YIPF7: variants seen among roughly 807,000 people sequenced by gnomAD.
The protein encoded by YIPF7 is Yip1 domain family member 7.
YIPF7 carries 35 observed loss-of-function variants against 27.2 expected under a neutral mutation model. The observed-to-expected ratio is 1.29, with a 90% CI of 0.98 to 1.70. The LOEUF is 1.70. Among genes scored for constraint, YIPF7 ranks in the 40% most tolerant of loss-of-function variants. The pLI is 0.00. For missense variants in YIPF7, 358 were observed against 303.7 expected (o/e 1.18, Z -1.33); for synonymous variants, 137 against 110.4 (o/e 1.24, Z -1.51).
At chr4:44,636,879 A>C (rs1713143383) in intron 2 of YIPF7, among the ~76,000 whole-genome samples, 1 of 152,138 alleles carries the variant, frequency 6.6e-6, no homozygotes, top group South Asian at 2.1e-4. Flanking sequence ...TATATGCATT[A>C]ACTAATTTAT....
chr4:44,643,082 G>A (rs1713392277), intron 2 of YIPF7, among the ~76,000 whole-genome samples: 1 of 152,088 alleles, frequency 6.6e-6, no homozygotes, highest in African/African-American at 2.4e-5. Context: ...AGGAAGATGA[G>A]GAAAAATTTG....
intron 3 of YIPF7, among the ~76,000 whole-genome samples, chr4:44,633,761 T>C (rs562323187): frequency 2.6e-5 from 4 of 151,926 alleles, no homozygotes; most frequent in Non-Finnish European, 5.9e-5. Context: ...CAATAATTAA[T>C]ATGGTTACTA....
At chr4:44,651,888 A>C (rs1176306193), upstream of YIPF7, among the ~76,000 whole-genome samples, 1 of 152,224 alleles carries the variant, frequency 6.6e-6, no homozygotes, top group African/African-American at 2.4e-5. Context: ...TGAGGCAAGC[A>C]GTTAAAAAGT....
At chr4:44,632,160 G>T (rs140145366) in intron 3 of YIPF7, among the ~76,000 whole-genome samples, 1 of 151,944 alleles carries the variant, frequency 6.6e-6, no homozygotes, top group Non-Finnish European at 1.5e-5. Flanking sequence ...TAATATTGTG[G>T]TTTTTATTTA....
intron 2 of YIPF7, among the ~76,000 whole-genome samples, chr4:44,641,627 G>A (rs774322437): frequency 3.9e-5 from 6 of 152,068 alleles, no homozygotes; most frequent in East Asian, 3.9e-4. Flanking sequence ...ACTTTCCTTC[G>A]AATGTTAATC....
At chr4:44,634,478 G>A (rs1713035616) in intron 3 of YIPF7, among the ~76,000 whole-genome samples, 1 of 152,070 alleles carries the variant, frequency 6.6e-6, no homozygotes, top group Admixed American at 6.6e-5. Flanking sequence ...GTTGCAGAGA[G>A]CTGAGATTGG....
intron 2 of YIPF7, among the ~76,000 whole-genome samples, chr4:44,641,937 C>A (rs1491310): frequency 0.99 from 150,095 of 152,304 alleles, 73,996 homozygotes; most frequent in East Asian, 1. Flanking sequence ...AACAAATTAG[C>A]AATAGGAATC....
In YIPF7 at chr4:44,650,121, T is replaced by C. The variant is rs1196063444; in HGVS notation, c.-1-20A>G. The C allele has an allele frequency of 1.5e-5, 21 of 1,377,402 alleles. No homozygotes were observed. The highest frequency in any genetic ancestry group is 2.1e-5 in the Non-Finnish European group (21 of 988,168). The allele number at this position is 1,377,402 out of a possible 1,614,324, so 85.3% of individuals were successfully genotyped here. The stretch of plus-strand genomic sequence containing the variant: ...GACATCCTGAAAAATAAGAGTATGT[T>C]TTTAATAAGTTCATGAGTCAATAAA... On this transcript the variant is annotated intron_variant, in intron 1 of 5. Transcript: ENST00000415895.
intron 1 of YIPF7, among the ~76,000 whole-genome samples, chr4:44,650,308 C>T (rs1713684221): frequency 6.6e-6 from 1 of 152,166 alleles, no homozygotes. Context: ...TCTTCAACTA[C>T]TTTTTCTGAA....
upstream of YIPF7, among the ~76,000 whole-genome samples, chr4:44,653,315 G>A (rs1476448289): frequency 1.3e-5 from 2 of 152,060 alleles, no homozygotes; most frequent in African/African-American, 4.8e-5. Context: ...TCATTCTAGG[G>A]TAGTATAAAA....
chr4:44,653,863 G>A (rs142205203), upstream of YIPF7, among the ~76,000 whole-genome samples: 69 of 151,730 alleles, frequency 4.5e-4, no homozygotes, highest in Middle Eastern at 3.4e-3. Flanking sequence ...TTTTTTTGAC[G>A]TATAAATTCC....
intron 3 of YIPF7, among the ~76,000 whole-genome samples, chr4:44,630,807 T>G (rs950741975): frequency 1.3e-5 from 2 of 152,178 alleles, no homozygotes; most frequent in Non-Finnish European, 2.9e-5. Flanking sequence ...CGATACCAGA[T>G]CAGTTTCTTT....
chr4:44,652,712 T>G (rs1713772534), upstream of YIPF7, among the ~76,000 whole-genome samples: 1 of 152,160 alleles, frequency 6.6e-6, no homozygotes, highest in Non-Finnish European at 1.5e-5. Flanking sequence ...AAACTAAACA[T>G]TTAAAGAGTT....
At chr4:44,641,358 A>G (rs887824408) in intron 2 of YIPF7, among the ~76,000 whole-genome samples, 6 of 152,220 alleles carry the variant, frequency 3.9e-5, no homozygotes, top group Admixed American at 1.3e-4. Flanking sequence ...AATAAAAAAA[A>G]GAGTCCCTTT....
Position 44,650,044 on chromosome 4 carries a change from A to G in YIPF7, c.57T>C (p.Asp19=), listed in dbSNP as rs1349134191. 7 of 1,589,802 alleles carry G rather than the reference A, an allele frequency of 4.4e-6. No individual in the cohort carries two copies. The highest frequency in any genetic ancestry group is 6.0e-6 in the Non-Finnish European group (7 of 1,166,610). ...SDFYQSNFTI[D]NQEQSGNDSN... ...AGTCATTACCACTCTGCTCCTGGTTATCAATAGTAAAATTAGATTGGTAAA... is the reference window on the plus strand; with the variant it reads ...AGTCATTACCACTCTGCTCCTGGTTGTCAATAGTAAAATTAGATTGGTAAA... Residue 19 remains aspartate, a synonymous_variant, in exon 2 of 6, where the codon GAT becomes GAC. Transcript: ENST00000415895.
chr4:44,629,700 A>G, intron 3 of YIPF7, 152 bp from the exon 4 acceptor site: 1 of 491,862 alleles, frequency 2.0e-6, no homozygotes, highest in Non-Finnish European at 3.2e-6. Flanking sequence ...TATGTTCTGT[A>G]TTACACAGAA....
rs768910817 is a variant in YIPF7 at position 44,629,469 on chromosome 4, A to T, written c.360T>A (p.Ile120=). The T allele has an allele frequency of 3.8e-6, 6 of 1,598,020 alleles. No individual in the cohort carries two copies. In the Admixed American group the frequency reaches 5.2e-5, roughly 14 times the overall value. ...LNPMKPVDGS[I]MNETDLTGPI... is the part of the protein sequence containing the mutation. ...GTCCAGTGAGGTCCGTTTCATTCAT[A>T]ATGCTGCCATCTACTGGCTTCATTG... The change falls in exon 4 of 6, where the codon ATT becomes ATA. Residue 120 remains isoleucine, a synonymous_variant. Coordinates refer to ENST00000415895, the MANE Select transcript of YIPF7 (RefSeq NM_182592.3).
intron 3 of YIPF7, among the ~76,000 whole-genome samples, chr4:44,635,124 A>T (rs1713069345): frequency 6.6e-6 from 1 of 152,150 alleles, no homozygotes; most frequent in Non-Finnish European, 1.5e-5. Context: ...ATTCCTTTTC[A>T]CTTGACTACA....
chr4:44,626,972 C>T (rs759514718), intron 4 of YIPF7, among the ~76,000 whole-genome samples: 1 of 150,090 alleles, frequency 6.7e-6, no homozygotes, highest in Non-Finnish European at 1.5e-5. Context: ...TTAGTACAGA[C>T]GGGGTTTCAC....
Sources: gnomAD v4.1 joint callset for allele counts (sites outside exome capture counted in the v4.1 genomes callset) on GRCh38, gnomAD v4.1.1 for gene constraint, MANE v1.5 for transcripts, NCBI Gene and HGNC (gene_info 2026-07-23, HGNC 2026-07-21) for gene names.